The following SYNE1 variants were observed in gnomAD, a reference collection of about 807,000 sequenced individuals.
SYNE1 encodes spectrin repeat containing nuclear envelope protein 1, also known as nesprin-1.
SYNE1 carries 616 observed loss-of-function variants against 1,111.0 expected under a neutral mutation model. That is an observed-to-expected ratio of 0.55 (90% CI 0.52 to 0.59). The LOEUF is 0.59. Ranked by LOEUF, SYNE1 falls within the 20% of genes least tolerant of loss-of-function variation. The pLI is 0.00. For missense variants in SYNE1, 10,006 were observed against 10,417.0 expected, an observed-to-expected ratio of 0.96 and a Z score of 1.72; for synonymous variants, 3,855 against 3,825.8, an observed-to-expected ratio of 1.01 and a Z score of -0.28.
intron 58 of SYNE1, among the ~76,000 whole-genome samples, chr6:152,375,449 T>G (rs1227410184): frequency 6.6e-6 from 1 of 152,150 alleles, no homozygotes; most frequent in Non-Finnish European, 1.5e-5. Flanking sequence ...TCATAACCAA[T>G]CACTCAGAAC....
intron 70 of SYNE1, 81 bp from the exon 71 acceptor site, chr6:152,350,851 G>A: frequency 6.7e-7 from 1 of 1,498,292 alleles, no homozygotes; most frequent in Non-Finnish European, 9.3e-7. Context: ...TGGTATGCAA[G>A]AGATGATCTA....
intron 95 of SYNE1, among the ~76,000 whole-genome samples, chr6:152,292,009 G>A (rs909802495): frequency 6.6e-6 from 1 of 152,132 alleles, no homozygotes; most frequent in African/African-American, 2.4e-5. Context: ...TGAAGCAGAG[G>A]TGCAGGGAAC....
intron 128 of SYNE1, among the ~76,000 whole-genome samples, chr6:152,186,570 A>C (rs2070077715): frequency 9.0e-6 from 1 of 111,306 alleles, no homozygotes; most frequent in African/African-American, 3.4e-5. Flanking sequence ...AAAAAAAAAA[A>C]AAAAAAAAAA....
At chr6:152,633,446 G>A (rs976681082) in intron 2 of SYNE1, among the ~76,000 whole-genome samples, 2 of 152,162 alleles carry the variant, frequency 1.3e-5, no homozygotes, top group African/African-American at 2.4e-5. Flanking sequence ...CTTATGTGCC[G>A]GTAGAGGAAG....
chr6:152,577,800 T>G (rs1336921803), intron 3 of SYNE1, among the ~76,000 whole-genome samples: 5 of 152,056 alleles, frequency 3.3e-5, no homozygotes, highest in Admixed American at 6.5e-5. Context: ...TTAATTTAGA[T>G]TTGTAAGCAA....
Position 152,453,644 on chromosome 6 carries a change from G to A in SYNE1, c.2969C>T (p.Pro990Leu). Residue 990 changes from proline to leucine, a missense_variant, in exon 25 of 146, where the codon CCA becomes CTA. This residue lies in a region of SYNE1 where 1,971 missense variants were observed against 2,084.1 expected (regional missense o/e 0.95). Coordinates refer to ENST00000367255, the MANE Select transcript of SYNE1 (RefSeq NM_182961.4). The part of the protein sequence containing the change: ...KACDELTDIL[P>L]EQEQQGLQEA... ...CTGCAGCCCCTGCTGCTCCTGCTCT[G>A]GAAGGATGTCGGTGAGTTCATCACA... 6.2e-7 allele frequency: 1 copy of A among 1,614,170 alleles called. No individual in the cohort carries two copies. The highest frequency in any genetic ancestry group is 8.5e-7 in the Non-Finnish European group (1 of 1,180,042).
chr6:152,231,098 C>T (rs2153512885), intron 114 of SYNE1, among the ~76,000 whole-genome samples: 1 of 152,270 alleles, frequency 6.6e-6, no homozygotes, highest in Middle Eastern at 3.4e-3. Flanking sequence ...GAATCAATGA[C>T]TATTACTGGG....
At chr6:152,499,535 T>G (rs2154320596) in intron 10 of SYNE1, among the ~76,000 whole-genome samples, 1 of 152,100 alleles carries the variant, frequency 6.6e-6, no homozygotes, top group East Asian at 1.9e-4. Context: ...AAAAAATGAA[T>G]TAAGAGAGTA....
At chr6:152,588,456 T>C (rs2128487982) in intron 3 of SYNE1, among the ~76,000 whole-genome samples, 1 of 152,356 alleles carries the variant, frequency 6.6e-6, no homozygotes, top group Non-Finnish European at 1.5e-5. Context: ...GGATTTTTTC[T>C]GTGTGTGCTT....
In SYNE1 at chr6:152,586,655, TACACACACACAC is replaced by T. The variant is rs10530898; in HGVS notation, c.67+41598_67+41609del. On this transcript the variant is annotated intron_variant, in intron 3 of 145. Coordinates refer to ENST00000367255, the MANE Select transcript of SYNE1 (RefSeq NM_182961.4). ...CTGGCTATATACAAACATACTCTCA[TACACACACACAC>T]ACACACACACACACACCACTATGAA... Among the ~76,000 whole-genome samples, 14 of 149,478 alleles carry T rather than the reference TACACACACACAC, an allele frequency of 9.4e-5. 1 individual carries two copies. The highest frequency in any genetic ancestry group is 2.7e-4 in the African/African-American group (11 of 40,836).
chr6:152,302,173 G>A, intron 91 of SYNE1, 110 bp from the exon 92 acceptor site: 4 of 1,447,124 alleles, frequency 2.8e-6, no homozygotes, highest in South Asian at 2.3e-5. Context: ...GAGCCGCGCG[G>A]GCCCGGGAGG....
intron 101 of SYNE1, among the ~76,000 whole-genome samples, chr6:152,257,205 T>C (rs139612414): frequency 6.1e-4 from 93 of 152,248 alleles, no homozygotes; most frequent in African/African-American, 2.2e-3. Context: ...CATCACACTA[T>C]ACACCAGAAA....
chr6:152,220,760 C>T, intron 119 of SYNE1, 82 bp downstream of exon 119: 2 of 1,297,560 alleles, frequency 1.5e-6, no homozygotes, highest in Non-Finnish European at 2.2e-6. Context: ...GAAAGACATA[C>T]CAAAGCTTAC....
chr6:152,430,137 G>C lies in SYNE1; in HGVS notation c.4763C>G (p.Thr1588Arg), dbSNP rs1422454177. 6.2e-7 allele frequency: 1 copy of C among 1,601,384 alleles called. No individual in the cohort carries two copies. Among genetic ancestry groups the C allele is most frequent in the East Asian group, 2.2e-5 (1 of 44,622 alleles). ...PIKICSSATE[T>R]YKVLQEHMDL... Reference sequence around the variant, plus strand: ...CATATGTTCTTGAAGAACTTTGTATGTTTCTGTAGCTGAAGAACATATTTT... The same window carrying C: ...CATATGTTCTTGAAGAACTTTGTATCTTTCTGTAGCTGAAGAACATATTTT... The change falls in exon 36 of 146, where the codon ACA becomes AGA. Residue 1588 changes from threonine (T) to arginine (R), a missense_variant. This residue lies in a region of SYNE1 where 1,971 missense variants were observed against 2,084.1 expected (regional missense o/e 0.95). Transcript: ENST00000367255.
At chr6:152,171,269 G>C (rs182064561) in intron 130 of SYNE1, among the ~76,000 whole-genome samples, 2 of 152,178 alleles carry the variant, frequency 1.3e-5, no homozygotes, top group South Asian at 4.1e-4. Context: ...GCAGAATCAC[G>C]CTATGACTCA....
chr6:152,317,020 A>T (rs2095742762), intron 86 of SYNE1, 34 bp from the exon 87 acceptor site: 2 of 1,612,214 alleles, frequency 1.2e-6, no homozygotes, highest in East Asian at 2.2e-5. Flanking sequence ...TAACAAATGT[A>T]AACTCCTCAG....
chr6:152,302,041 C>A lies in SYNE1; in HGVS notation c.17369G>T (p.Gly5790Val). 13 of 1,614,278 alleles carry A rather than the reference C, an allele frequency of 8.1e-6. No homozygotes were observed. Among genetic ancestry groups the A allele is most frequent in the Non-Finnish European group, 1.1e-5 (13 of 1,180,052 alleles). The change falls in exon 92 of 146, where the codon GGC becomes GTC. Residue 5790 changes from glycine to valine, a missense_variant. Gly to Val is a moderately radical substitution (Grantham distance 109, BLOSUM62 -3). This residue lies in a region of SYNE1 where 4,955 missense variants were observed against 5,017.2 expected (regional missense o/e 0.99). Coordinates refer to ENST00000367255, the MANE Select transcript of SYNE1 (RefSeq NM_182961.4). ...CAAAGAAGCGATCTGCTCCTGGTAG[C>A]CCTTAATTTTCTGCGCCAGCTCCTG... ...RHEELAQKIK[G>V]YQEQIASLNS...
At chr6:152,280,888 G>A (rs1207025033) in intron 97 of SYNE1, among the ~76,000 whole-genome samples, 1 of 152,058 alleles carries the variant, frequency 6.6e-6, no homozygotes, top group Non-Finnish European at 1.5e-5. Context: ...TAAAAAATCC[G>A]AATGATAATG....
At chr6:152,577,212 A>G (rs6940754) in intron 3 of SYNE1, among the ~76,000 whole-genome samples, 5,517 of 152,316 alleles carry the variant, frequency 0.036, 345 homozygotes, top group African/African-American at 0.13. Context: ...AAGAAGTCAC[A>G]TTGCTAACCT....
Sources: gnomAD v4.1 joint callset for allele counts (sites outside exome capture counted in the v4.1 genomes callset) on GRCh38, gnomAD v4.1.1 for gene constraint, gnomAD v4.1.1 regional missense constraint, MANE v1.5 for transcripts, NCBI Gene and HGNC (gene_info 2026-07-23, HGNC 2026-07-21) for gene names.